Variants in TENM4 observed in about 807,000 individuals in gnomAD.
TENM4 encodes teneurin transmembrane protein 4.
Under a neutral mutation model 243.3 loss-of-function variants are expected in TENM4, and 82 were observed. That is an observed-to-expected ratio of 0.34 (90% CI 0.28 to 0.40). The LOEUF (loss-of-function observed/expected upper bound fraction) is 0.40, where lower values mean the gene tolerates loss of function less well. Among genes scored for constraint, TENM4 ranks in the 10% least tolerant of loss-of-function variants. The pLI is 1.00. For missense variants in TENM4, 3,138 were observed against 3,673.3 expected (o/e 0.85, Z 3.77); for synonymous variants, 1,412 against 1,456.3 (o/e 0.97, Z 0.69).
chr11:78,690,131 G>A (rs1364863673), intron 28 of TENM4, among the ~76,000 whole-genome samples: 1 of 152,154 alleles, frequency 6.6e-6, no homozygotes, highest in Non-Finnish European at 1.5e-5. Context: ...AGGTCAGTCT[G>A]GCCTAGGGGA....
At chr11:79,322,898 A>C (rs1856915012) in intron 1 of TENM4, among the ~76,000 whole-genome samples, 1 of 152,256 alleles carries the variant, frequency 6.6e-6, no homozygotes, top group Non-Finnish European at 1.5e-5. Flanking sequence ...CTTGTAAACC[A>C]GAGGGTTTTA....
chr11:79,437,209 T>C (rs775935639), intron 1 of TENM4, among the ~76,000 whole-genome samples: 1 of 152,208 alleles, frequency 6.6e-6, no homozygotes, highest in Non-Finnish European at 1.5e-5. Flanking sequence ...TTTTGTGCTA[T>C]GTGTGACTTC....
intron 4 of TENM4, among the ~76,000 whole-genome samples, chr11:79,145,999 T>G (rs938177204): frequency 6.6e-6 from 1 of 152,114 alleles, no homozygotes; most frequent in Non-Finnish European, 1.5e-5. Flanking sequence ...GTTTCTTCTT[T>G]TTTTTCTACC....
intron 4 of TENM4, among the ~76,000 whole-genome samples, chr11:79,138,396 T>TA (rs1290546009): frequency 8.5e-6 from 1 of 118,188 alleles, no homozygotes; most frequent in African/African-American, 3.4e-5. Flanking sequence ...TATAATATAG[T>TA]TATATATAAA....
In TENM4 at chr11:79,087,340, C is replaced by G. The variant is rs76991328; in HGVS notation, c.-65-17331G>C. ...GACAAGGAAATGATTAACTACCCCCCAGTTAGAAGGGAATGTCGTTGGATG... is the reference window on the plus strand; with the variant it reads ...GACAAGGAAATGATTAACTACCCCCGAGTTAGAAGGGAATGTCGTTGGATG... On this transcript the variant is annotated intron_variant, in intron 4 of 33. Transcript: ENST00000278550. Among the ~76,000 whole-genome samples, 1,396 of 152,298 alleles carry G rather than the reference C, an allele frequency of 9.2e-3. 10 individuals are homozygous for G. Among genetic ancestry groups the G allele is most frequent in the Non-Finnish European group, 0.014 (927 of 68,018 alleles).
At chr11:78,741,466 G>A (rs889549050) in intron 19 of TENM4, among the ~76,000 whole-genome samples, 2 of 152,212 alleles carry the variant, frequency 1.3e-5, no homozygotes, top group African/African-American at 2.4e-5. Context: ...CCATTATGCG[G>A]TACTGCCACC....
chr11:78,742,142 A>G (rs1421142464), intron 19 of TENM4, among the ~76,000 whole-genome samples: 1 of 152,140 alleles, frequency 6.6e-6, no homozygotes, highest in Non-Finnish European at 1.5e-5. Context: ...TGCATTATAT[A>G]GCCATCTCAC....
chr11:78,897,397 G>A (rs866145351), intron 7 of TENM4, among the ~76,000 whole-genome samples: 1 of 152,160 alleles, frequency 6.6e-6, no homozygotes, highest in Admixed American at 6.5e-5. Context: ...AGTCTTGTGA[G>A]TCCCACTAGT....
At chr11:79,404,945 T>C (rs1026337389) in intron 1 of TENM4, among the ~76,000 whole-genome samples, 1 of 152,092 alleles carries the variant, frequency 6.6e-6, no homozygotes, top group South Asian at 2.1e-4. Flanking sequence ...CCTGAACCTG[T>C]GGATATGGAA....
chr11:79,096,962 A>ACACC (rs1555007890), intron 4 of TENM4: 5 of 146,288 alleles, frequency 3.4e-5, no homozygotes, highest in African/African-American at 1.3e-4. Flanking sequence ...ACACACACAC[A>ACACC]CCCTTCATGT....
intron 2 of TENM4, among the ~76,000 whole-genome samples, chr11:79,244,297 A>T (rs1855476301): frequency 6.6e-6 from 1 of 152,212 alleles, no homozygotes; most frequent in Admixed American, 6.5e-5. Context: ...GGCCTGCTCC[A>T]GTGCTGCTGC....
At chr11:78,963,848 C>T (rs1857382798) in intron 6 of TENM4, among the ~76,000 whole-genome samples, 1 of 151,346 alleles carries the variant, frequency 6.6e-6, no homozygotes, top group Admixed American at 6.6e-5. Context: ...TCTCCTGCCT[C>T]AGCCTCACAA....
intron 1 of TENM4, among the ~76,000 whole-genome samples, chr11:79,392,056 A>T (rs1858245797): frequency 6.6e-6 from 1 of 152,216 alleles, no homozygotes; most frequent in Non-Finnish European, 1.5e-5. Context: ...CTTATAACCA[A>T]CACAGACTCC....
chr11:79,205,803 A>G (rs933370765), intron 3 of TENM4, among the ~76,000 whole-genome samples: 2 of 152,224 alleles, frequency 1.3e-5, no homozygotes, highest in Non-Finnish European at 2.9e-5. Context: ...ACAGATTTTC[A>G]CTGTATTCTT....
At chr11:79,322,384 T>G (rs1856905556) in intron 1 of TENM4, among the ~76,000 whole-genome samples, 1 of 152,186 alleles carries the variant, frequency 6.6e-6, no homozygotes, top group African/African-American at 2.4e-5. Flanking sequence ...TACTCTGCAT[T>G]TTCACTGTGC....
At chr11:78,909,875 G>A (rs538880381) in intron 6 of TENM4, among the ~76,000 whole-genome samples, 1 of 152,304 alleles carries the variant, frequency 6.6e-6, no homozygotes, top group African/African-American at 2.4e-5. Flanking sequence ...GAGGTGCCAG[G>A]CTAAAGACCT....
chr11:79,135,977 G>A (rs1862102562), intron 4 of TENM4, among the ~76,000 whole-genome samples: 1 of 151,796 alleles, frequency 6.6e-6, no homozygotes, highest in Non-Finnish European at 1.5e-5. Flanking sequence ...GTATGAGGGA[G>A]CTAAGCTATG....
At chr11:79,002,118 G>A (rs1218342969) in intron 6 of TENM4, among the ~76,000 whole-genome samples, 2 of 152,086 alleles carry the variant, frequency 1.3e-5, no homozygotes, top group Non-Finnish European at 1.5e-5. Flanking sequence ...TGATACATGG[G>A]TACCTGGTTG....
intron 6 of TENM4, among the ~76,000 whole-genome samples, chr11:79,049,917 T>A (rs1233144499): frequency 2.0e-5 from 3 of 152,236 alleles, no homozygotes; most frequent in Admixed American, 6.5e-5. Flanking sequence ...CCGAACTTTG[T>A]CCCATGAACC....
Sources: gnomAD v4.1 joint callset for allele counts (sites outside exome capture counted in the v4.1 genomes callset) on GRCh38, gnomAD v4.1.1 for gene constraint, MANE v1.5 for transcripts, NCBI Gene and HGNC (gene_info 2026-07-23, HGNC 2026-07-21) for gene names.